MMP16: variants seen among roughly 807,000 people sequenced by gnomAD.
MMP16 encodes matrix metallopeptidase 16.
MMP16 carries 12 observed loss-of-function variants against 67.8 expected under a neutral mutation model. The observed-to-expected ratio is 0.18, with a 90% CI of 0.11 to 0.29. MMP16 has a LOEUF of 0.29. Ranked by LOEUF, MMP16 falls within the 10% of genes least tolerant of loss-of-function variation. MMP16 has a pLI of 1.00. For synonymous variants in MMP16, 249 were observed against 255.9 expected, an observed-to-expected ratio of 0.97 and a Z score of 0.26; for missense variants, 475 against 765.7, an observed-to-expected ratio of 0.62 and a Z score of 4.48.
intron 4 of MMP16, among the ~76,000 whole-genome samples, chr8:88,122,401 G>A (rs935457909): frequency 6.6e-6 from 1 of 151,906 alleles, no homozygotes; most frequent in Non-Finnish European, 1.5e-5. Context: ...CTACATCTGT[G>A]TATACTTGGC....
intron 1 of MMP16, among the ~76,000 whole-genome samples, chr8:88,222,036 C>A (rs545318773): frequency 7.9e-5 from 12 of 151,044 alleles, no homozygotes; most frequent in African/African-American, 2.9e-4. Context: ...TTTTTTTATA[C>A]CTTTGTAAAA....
intron 3 of MMP16, among the ~76,000 whole-genome samples, chr8:88,180,181 T>C (rs1268291724): frequency 6.6e-6 from 1 of 151,802 alleles, no homozygotes; most frequent in Non-Finnish European, 1.5e-5. Context: ...CTCGGGAGGC[T>C]GAGGCAGGAG....
intron 1 of MMP16, among the ~76,000 whole-genome samples, chr8:88,313,039 A>C (rs1383295805): frequency 6.6e-6 from 1 of 152,220 alleles, no homozygotes; most frequent in East Asian, 1.9e-4. Flanking sequence ...TAAATCACAC[A>C]GTATGTGCTC....
In MMP16 at chr8:88,198,797, T is replaced by G. The variant is rs529847754; in HGVS notation, c.133-1491A>C. ...GAAGGTGTATTAGTGAAACCTAATC[T>G]AGTAAACTCATGTACCATATAGTAA... On this transcript the variant is annotated intron_variant, in intron 1 of 9. Coordinates refer to ENST00000286614, the MANE Select transcript of MMP16 (RefSeq NM_005941.5). Among the ~76,000 whole-genome samples, 8 of 152,200 alleles carry G rather than the reference T, an allele frequency of 5.3e-5. No individual in the cohort carries two copies. In the South Asian group the frequency reaches 1.7e-3, roughly 32 times the overall value.
intron 1 of MMP16, among the ~76,000 whole-genome samples, chr8:88,197,624 C>T (rs1309087344): frequency 3.3e-5 from 5 of 152,102 alleles, no homozygotes; most frequent in African/African-American, 1.2e-4. Context: ...TATCCCTGTC[C>T]TCTAGGACCT....
chr8:88,175,809 G>A (rs1808879711), intron 3 of MMP16, among the ~76,000 whole-genome samples: 1 of 152,108 alleles, frequency 6.6e-6, no homozygotes, highest in Non-Finnish European at 1.5e-5. Context: ...CATGGGGTCA[G>A]GTTTTCCTGT....
intron 1 of MMP16, among the ~76,000 whole-genome samples, chr8:88,235,108 T>C (rs1809919582): frequency 6.6e-6 from 1 of 152,176 alleles, no homozygotes; most frequent in Admixed American, 6.5e-5. Context: ...GATTAATTTA[T>C]GCCCAACTGA....
intron 1 of MMP16, among the ~76,000 whole-genome samples, chr8:88,325,500 A>G (rs529081150): frequency 6.6e-6 from 1 of 152,304 alleles, no homozygotes; most frequent in Non-Finnish European, 1.5e-5. Flanking sequence ...CCTTCTGTTT[A>G]TAACATTATA....
At chr8:88,279,490 T>C (rs1810699597) in intron 1 of MMP16, among the ~76,000 whole-genome samples, 1 of 152,160 alleles carries the variant, frequency 6.6e-6, no homozygotes, top group South Asian at 2.1e-4. Flanking sequence ...TAGAGGCTTT[T>C]AGAACAACAT....
chr8:88,157,410 G>A (rs189072396), intron 4 of MMP16, among the ~76,000 whole-genome samples: 79 of 151,842 alleles, frequency 5.2e-4, no homozygotes, highest in African/African-American at 1.8e-3. Flanking sequence ...TGTGCATCTC[G>A]GTGTCTGCAG....
At chr8:88,105,623 T>G (rs1375111565) in intron 6 of MMP16, among the ~76,000 whole-genome samples, 1 of 151,484 alleles carries the variant, frequency 6.6e-6, no homozygotes, top group East Asian at 2.0e-4. Flanking sequence ...GTCACTTCTC[T>G]CATTCATGGT....
At chr8:88,059,464 C>A (rs1808369816) in intron 7 of MMP16, among the ~76,000 whole-genome samples, 1 of 152,076 alleles carries the variant, frequency 6.6e-6, no homozygotes, top group Non-Finnish European at 1.5e-5. Flanking sequence ...TCTACAAAGT[C>A]CAAATTTGAA....
chr8:88,070,640 C>T (rs1808537413), intron 7 of MMP16, among the ~76,000 whole-genome samples: 1 of 152,080 alleles, frequency 6.6e-6, no homozygotes, highest in South Asian at 2.1e-4. Flanking sequence ...TCTCCCTGAA[C>T]TCTCAGCTCT....
intron 6 of MMP16, among the ~76,000 whole-genome samples, chr8:88,083,444 G>A (rs1208263076): frequency 6.6e-6 from 1 of 152,064 alleles, no homozygotes; most frequent in Non-Finnish European, 1.5e-5. Flanking sequence ...ACTAATGGAA[G>A]CAAGCCAAAG....
At chr8:88,129,790 GAGT>G (rs1422579152) in intron 4 of MMP16, among the ~76,000 whole-genome samples, 3 of 151,436 alleles carry the variant, frequency 2.0e-5, no homozygotes, top group Admixed American at 6.6e-5. Context: ...GTATTTTTTA[GAGT>G]AGGTTTCACA....
intron 1 of MMP16, among the ~76,000 whole-genome samples, chr8:88,245,405 A>G (rs1303400255): frequency 6.6e-6 from 1 of 152,216 alleles, no homozygotes; most frequent in East Asian, 1.9e-4. Flanking sequence ...TCTGACAGGC[A>G]TGGAAATCAA....
Position 88,041,285 on chromosome 8 carries a change from C to T in MMP16, c.*176G>A. The T allele has an allele frequency of 1.6e-6, 1 of 611,476 alleles. No homozygotes were observed. The highest frequency in any genetic ancestry group is 2.9e-6 in the Non-Finnish European group (1 of 345,470). The allele number at this position is 611,476 out of a possible 1,614,324, so 37.9% of individuals were successfully genotyped here. ...ATACTGTGCATCATGGAAGCTTCCC[C>T]ATGAGTGTATTTCCACTCATGTGCA... On this transcript the variant is annotated 3_prime_UTR_variant, in exon 10 of 10. Transcript: ENST00000286614. This position sits in a 1 kb window ranked among gnomAD's most constrained non-coding sequence, Gnocchi z 6.0.
intron 1 of MMP16, among the ~76,000 whole-genome samples, chr8:88,270,949 T>C (rs1275709390): frequency 1.3e-5 from 2 of 152,214 alleles, no homozygotes; most frequent in African/African-American, 4.8e-5. Context: ...GAGTATATCA[T>C]GAGTATACCT....
chr8:88,287,475 A>G (rs1279797849), intron 1 of MMP16, among the ~76,000 whole-genome samples: 1 of 152,112 alleles, frequency 6.6e-6, no homozygotes, highest in Non-Finnish European at 1.5e-5. Context: ...AGCAGCTACC[A>G]CTTTGCTAAT....
Sources: allele counts gnomAD v4.1 joint callset (sites outside exome capture counted in the v4.1 genomes callset), GRCh38; gene constraint gnomAD v4.1.1; non-coding constraint Gnocchi (gnomAD v3.1); transcripts MANE v1.5; gene names NCBI Gene and HGNC (gene_info 2026-07-23, HGNC 2026-07-21).